The following LDAH variants were observed in gnomAD, a reference collection of about 807,000 sequenced individuals.
LDAH encodes the protein lipid droplet-associated hydrolase.
A neutral mutation model predicts 29.6 loss-of-function variants in LDAH; 26 were observed. The observed-to-expected ratio is 0.88, with a 90% CI of 0.64 to 1.22. The LOEUF (loss-of-function observed/expected upper bound fraction) is 1.22. Among genes scored for constraint, LDAH ranks in the 50% most tolerant of loss-of-function variants. The pLI, the probability that LDAH is intolerant of heterozygous loss-of-function variation, is 0.00. For missense variants in LDAH, 344 were observed against 387.3 expected (o/e 0.89, Z 0.94); for synonymous variants, 117 against 133.0 (o/e 0.88, Z 0.83).
At chr2:20,711,150 A>G (rs1251061092) in intron 5 of LDAH, among the ~76,000 whole-genome samples, 1 of 152,104 alleles carries the variant, frequency 6.6e-6, no homozygotes, top group African/African-American at 2.4e-5. Context: ...GCACTTTGGG[A>G]GGCTGAGACG....
chr2:20,790,610 G>A (rs1043041108), intron 2 of LDAH, among the ~76,000 whole-genome samples: 8 of 152,158 alleles, frequency 5.3e-5, no homozygotes, highest in Non-Finnish European at 1.5e-5. Context: ...TCATCTGGAA[G>A]AAGTCTAAAA....
At chr2:20,683,107 G>A (rs1325898748), downstream of LDAH, among the ~76,000 whole-genome samples, 3 of 152,004 alleles carry the variant, frequency 2.0e-5, no homozygotes, top group Non-Finnish European at 4.4e-5. Flanking sequence ...TTTGACCCTC[G>A]TTCGTGCTCT....
chr2:20,796,742 G>A (rs992437064), intron 2 of LDAH, among the ~76,000 whole-genome samples: 6 of 152,080 alleles, frequency 3.9e-5, no homozygotes, highest in African/African-American at 1.4e-4. Flanking sequence ...TAGAGCCCAG[G>A]AACTGCATTT....
chr2:20,738,433 T>C (rs1381377765), intron 5 of LDAH, among the ~76,000 whole-genome samples: 1 of 151,832 alleles, frequency 6.6e-6, no homozygotes, highest in East Asian at 1.9e-4. Context: ...TATCCTACTT[T>C]GTCTATGGAG....
intron 3 of LDAH, among the ~76,000 whole-genome samples, chr2:20,781,109 C>T (rs1198321368): frequency 6.6e-6 from 1 of 152,172 alleles, no homozygotes; most frequent in East Asian, 1.9e-4. Context: ...TTCTAGCTTT[C>T]ATTTCATACT....
At chr2:20,749,646 T>C (rs114133401) in intron 4 of LDAH, among the ~76,000 whole-genome samples, 1,965 of 152,268 alleles carry the variant, frequency 0.013, 38 homozygotes, top group African/African-American at 0.044. Context: ...TACAGCTTTC[T>C]TGTTCAATTT....
rs1161519413 is a variant in LDAH at position 20,698,763 on chromosome 2, A to G, written c.786+2807T>C. On this transcript the variant is annotated intron_variant, in intron 6 of 6. Coordinates refer to ENST00000237822, the MANE Select transcript of LDAH (RefSeq NM_021925.4). This position sits in a 1 kb window ranked among gnomAD's most constrained non-coding sequence, Gnocchi z 4.4. ...CTTTGGAAACAACCATGAGTCTGTTATATTTGCTCCAGGAAAGAAAAATTA... is the reference window on the plus strand; with the variant it reads ...CTTTGGAAACAACCATGAGTCTGTTGTATTTGCTCCAGGAAAGAAAAATTA... 2.0e-5 allele frequency among the ~76,000 whole-genome samples: 3 copies of G among 152,240 alleles called. No homozygotes were observed. Among genetic ancestry groups the G allele is most frequent in the African/African-American group, 7.2e-5 (3 of 41,470 alleles).
chr2:20,760,510 T>A (rs1037223547), intron 4 of LDAH, among the ~76,000 whole-genome samples: 1 of 152,222 alleles, frequency 6.6e-6, no homozygotes, highest in Non-Finnish European at 1.5e-5. Context: ...AGGTGTCAGC[T>A]AGGGCTGCAG....
chr2:20,751,537 C>T (rs929036102), intron 4 of LDAH, among the ~76,000 whole-genome samples: 3 of 152,182 alleles, frequency 2.0e-5, no homozygotes, highest in Non-Finnish European at 2.9e-5. Flanking sequence ...CAATAAGCCA[C>T]AATACACACA....
At chr2:20,806,242 T>C (rs142102634) in intron 1 of LDAH, among the ~76,000 whole-genome samples, 73 of 152,280 alleles carry the variant, frequency 4.8e-4, no homozygotes, top group African/African-American at 1.7e-3. Flanking sequence ...TTATTACATA[T>C]GTAAGATGAA....
chr2:20,787,543 C>T (rs1347088528), intron 3 of LDAH, among the ~76,000 whole-genome samples: 2 of 152,160 alleles, frequency 1.3e-5, no homozygotes, highest in African/African-American at 4.8e-5. Flanking sequence ...ATCTGCCTGC[C>T]TTGGCCTCCC....
At chr2:20,819,665 T>G (rs1673111005) in intron 1 of LDAH, among the ~76,000 whole-genome samples, 1 of 152,278 alleles carries the variant, frequency 6.6e-6, no homozygotes, top group South Asian at 2.1e-4. Context: ...TCATACTGAA[T>G]GGGCAAAAAC....
intron 3 of LDAH, among the ~76,000 whole-genome samples, chr2:20,785,868 T>A (rs1220458587): frequency 2.0e-5 from 3 of 152,318 alleles, no homozygotes; most frequent in Admixed American, 2.0e-4. Context: ...TTTGATTCTT[T>A]CTTAAGAGTT....
chr2:20,695,754 C>T (rs1053237584), intron 6 of LDAH, among the ~76,000 whole-genome samples: 3 of 152,110 alleles, frequency 2.0e-5, no homozygotes, highest in Admixed American at 2.0e-4. Flanking sequence ...GGCGGAGATA[C>T]TCTTATAAGG....
chr2:20,759,992 C>G (rs1445209660), intron 4 of LDAH, among the ~76,000 whole-genome samples: 1 of 152,200 alleles, frequency 6.6e-6, no homozygotes, highest in Non-Finnish European at 1.5e-5. Flanking sequence ...CTGCTTCAAC[C>G]TAGAGTAGGA....
At chr2:20,729,445 C>T (rs549277331) in intron 5 of LDAH, among the ~76,000 whole-genome samples, 10 of 152,138 alleles carry the variant, frequency 6.6e-5, no homozygotes, top group African/African-American at 2.4e-4. Flanking sequence ...ATTTATATCC[C>T]ATGTCCTGAT....
intron 3 of LDAH, among the ~76,000 whole-genome samples, 166 bp downstream of exon 3, chr2:20,790,089 A>G (rs1444475614): frequency 6.6e-6 from 1 of 152,238 alleles, no homozygotes; most frequent in Admixed American, 6.5e-5. Context: ...AATTACATGA[A>G]GAGTTAAAAT....
chr2:20,760,543 G>T (rs555582204), intron 4 of LDAH, among the ~76,000 whole-genome samples: 1 of 152,326 alleles, frequency 6.6e-6, no homozygotes, highest in East Asian at 1.9e-4. Flanking sequence ...CTTGACTGGG[G>T]AAGGATACAA....
Position 20,754,955 on chromosome 2 carries a change from A to G in LDAH, c.469-14750T>C, listed in dbSNP as rs77844739. Among the ~76,000 whole-genome samples the G allele has an allele frequency of 6.0e-4, 91 of 152,340 alleles. 1 individual carries two copies. The East Asian group carries it at 0.017, about 28-fold the overall frequency. ...ATGACAAAATGGGAATATGCAAGGT[A>G]GATTAAAGTATTACATCAATATTAC... On this transcript the variant is annotated intron_variant, in intron 4 of 6. Coordinates refer to ENST00000237822, the MANE Select transcript of LDAH (RefSeq NM_021925.4).
Sources: gnomAD v4.1 joint callset for allele counts (sites outside exome capture counted in the v4.1 genomes callset) on GRCh38, gnomAD v4.1.1 for gene constraint, Gnocchi (gnomAD v3.1) non-coding constraint, MANE v1.5 for transcripts, NCBI Gene and HGNC (gene_info 2026-07-23, HGNC 2026-07-21) for gene names.